KAZN: variants seen among roughly 807,000 people sequenced by gnomAD.
KAZN encodes the protein kazrin.
A neutral mutation model predicts 87.4 loss-of-function variants in KAZN; 40 were observed. The ratio of observed to expected loss-of-function variants is 0.46; its 90% CI spans 0.36 to 0.60. The LOEUF is 0.60. Ranked by LOEUF, KAZN falls within the 20% of genes least tolerant of loss-of-function variation. KAZN has a pLI of 0.00. For missense variants in KAZN, 898 were observed against 1,073.9 expected (o/e 0.84, Z 2.29); for synonymous variants, 466 against 458.3 (o/e 1.02, Z -0.22).
At chr1:15,068,693 C>T (rs1372947602) in intron 8 of KAZN, among the ~76,000 whole-genome samples, 2 of 151,998 alleles carry the variant, frequency 1.3e-5, no homozygotes, top group African/African-American at 2.4e-5. Context: ...AGATACAAAA[C>T]TCAGGCCTCC....
chr1:14,895,726 A>C (rs905575411), intron 1 of KAZN, among the ~76,000 whole-genome samples: 1 of 152,170 alleles, frequency 6.6e-6, no homozygotes, highest in African/African-American at 2.4e-5. Context: ...AAAGATAATC[A>C]TGCAGGCCGT....
chr1:13,933,352 C>T (rs1299687093), intron 1 of KAZN, among the ~76,000 whole-genome samples: 1 of 151,980 alleles, frequency 6.6e-6, no homozygotes, highest in Non-Finnish European at 1.5e-5. Flanking sequence ...ATTAGCCAGG[C>T]GTGGTGGCGC....
chr1:14,245,891 G>A (rs1221389535), intron 2 of KAZN, among the ~76,000 whole-genome samples: 2 of 152,222 alleles, frequency 1.3e-5, no homozygotes, highest in East Asian at 3.9e-4. Flanking sequence ...TATGTTCATG[G>A]CAGCACTATT....
At chr1:13,965,340 G>A (rs910978200) in intron 1 of KAZN, among the ~76,000 whole-genome samples, 3 of 152,110 alleles carry the variant, frequency 2.0e-5, no homozygotes, top group Non-Finnish European at 2.9e-5. Context: ...GCCCCTAGAC[G>A]CTGTGGGACG....
At chr1:14,433,380 CATA>C (rs559823729) in intron 2 of KAZN, among the ~76,000 whole-genome samples, 2 of 152,178 alleles carry the variant, frequency 1.3e-5, no homozygotes, top group South Asian at 4.2e-4. Context: ...TTTCATTCAA[CATA>C]ATATTTTTGA....
chr1:13,985,714 A>T (rs1292776427), intron 1 of KAZN, among the ~76,000 whole-genome samples: 1 of 152,082 alleles, frequency 6.6e-6, no homozygotes, highest in Non-Finnish European at 1.5e-5. Flanking sequence ...GGCAGCCACA[A>T]ATCTACCTTT....
intron 2 of KAZN, among the ~76,000 whole-genome samples, chr1:14,410,739 A>C (rs1186181110): frequency 6.6e-6 from 1 of 152,200 alleles, no homozygotes; most frequent in African/African-American, 2.4e-5. Context: ...GTGAAAGAGA[A>C]CCCTGGAGAG....
At chr1:14,491,146 G>A (rs1669626561) in intron 2 of KAZN, among the ~76,000 whole-genome samples, 1 of 151,984 alleles carries the variant, frequency 6.6e-6, no homozygotes, top group Non-Finnish European at 1.5e-5. Flanking sequence ...AGGTGTCCTG[G>A]GTTTGCTATT....
intron 2 of KAZN, among the ~76,000 whole-genome samples, chr1:14,330,489 T>A (rs1656766358): frequency 6.6e-6 from 1 of 152,146 alleles, no homozygotes; most frequent in Admixed American, 6.5e-5. Flanking sequence ...CTCCCATTAA[T>A]CCCTTGGAAA....
intron 2 of KAZN, among the ~76,000 whole-genome samples, chr1:14,967,960 C>T (rs760339644): frequency 3.9e-5 from 6 of 152,210 alleles, no homozygotes; most frequent in Non-Finnish European, 8.8e-5. Flanking sequence ...GGACCGGTTT[C>T]ATGGAAGACA....
chr1:14,415,138 C>T (rs1242164376), intron 2 of KAZN, among the ~76,000 whole-genome samples: 2 of 152,222 alleles, frequency 1.3e-5, no homozygotes, highest in African/African-American at 2.4e-5. Context: ...AATTAGACAT[C>T]GTGTTGAAAT....
Position 14,104,083 on chromosome 1 carries a change from A to G in KAZN, c.92-76352A>G, listed in dbSNP as rs926782102. On this transcript the variant is annotated intron_variant, in intron 1 of 16. Coordinates refer to the KAZN transcript ENST00000636203. The stretch of plus-strand genomic sequence containing the variant: ...ACTGCAACATTATTGGCACCATGCC[A>G]AAGGAAGGTGGGTTCTCCTTGTCTA... Among the ~76,000 whole-genome samples the G allele has an allele frequency of 9.2e-5, 14 of 152,332 alleles. No homozygotes were observed. The South Asian group carries it at 1.0e-3, about 11-fold the overall frequency.
At chr1:14,372,579 G>T (rs1450360094) in intron 2 of KAZN, among the ~76,000 whole-genome samples, 2 of 152,174 alleles carry the variant, frequency 1.3e-5, no homozygotes, top group African/African-American at 4.8e-5. Context: ...TGCCCCATGC[G>T]GGAGAGGGCA....
intron 4 of KAZN, among the ~76,000 whole-genome samples, chr1:15,049,023 C>T (rs1454624979): frequency 6.6e-6 from 1 of 152,254 alleles, no homozygotes; most frequent in Non-Finnish European, 1.5e-5. Context: ...TGCGCAGTCA[C>T]TCCAGTGAGG....
At chr1:14,658,287 G>C (rs1638926735) in intron 1 of KAZN, among the ~76,000 whole-genome samples, 2 of 152,152 alleles carry the variant, frequency 1.3e-5, no homozygotes, top group African/African-American at 4.8e-5. Context: ...AACTAGGAGG[G>C]ACCTGGGATA....
chr1:13,949,662 A>G (rs1483873715), intron 1 of KAZN, among the ~76,000 whole-genome samples: 1 of 152,162 alleles, frequency 6.6e-6, no homozygotes, highest in Non-Finnish European at 1.5e-5. Flanking sequence ...CATCACATTC[A>G]AAAAGGTCTC....
intron 1 of KAZN, among the ~76,000 whole-genome samples, chr1:14,875,920 C>T (rs1180273808): frequency 6.6e-6 from 1 of 152,248 alleles, no homozygotes; most frequent in Non-Finnish European, 1.5e-5. Flanking sequence ...GCCACATCAA[C>T]AGAGATGCTC....
intron 1 of KAZN, among the ~76,000 whole-genome samples, chr1:14,834,430 C>T (rs940891069): frequency 1.4e-5 from 2 of 145,838 alleles, no homozygotes; most frequent in African/African-American, 5.1e-5. Context: ...GGCATGATCT[C>T]GGCTCACTGC....
At chr1:14,198,330 T>G (rs1371793846) in intron 2 of KAZN, among the ~76,000 whole-genome samples, 2 of 152,222 alleles carry the variant, frequency 1.3e-5, no homozygotes, top group Non-Finnish European at 2.9e-5. Flanking sequence ...TCAGGCATAG[T>G]GGCTCACACC....
Sources: gnomAD v4.1 joint callset for allele counts (sites outside exome capture counted in the v4.1 genomes callset) on GRCh38, gnomAD v4.1.1 for gene constraint, MANE v1.5 for transcripts, NCBI Gene and HGNC (gene_info 2026-07-23, HGNC 2026-07-21) for gene names.